PCDHGB6: variants seen among roughly 807,000 people sequenced by gnomAD.
The protein encoded by PCDHGB6 is protocadherin gamma-B6.
PCDHGB6 carries 51 observed loss-of-function variants against 59.1 expected under a neutral mutation model. The observed-to-expected ratio is 0.86, with a 90% CI of 0.69 to 1.09. The LOEUF (loss-of-function observed/expected upper bound fraction) is 1.09, where lower values mean the gene tolerates loss of function less well. Ranked by LOEUF, PCDHGB6 falls within the 50% of genes least tolerant of loss-of-function variation. The probability of loss-of-function intolerance (pLI) is 0.00; values close to 1 mark genes in which losing one functional copy is unlikely to be tolerated. For synonymous variants in PCDHGB6, 466 were observed against 495.1 expected, an observed-to-expected ratio of 0.94 and a Z score of 0.78; for missense variants, 1,148 against 1,205.1, an observed-to-expected ratio of 0.95 and a Z score of 0.70.
chr5:141,491,908 G>A lies in PCDHGB6; in HGVS notation c.2419-2899G>A. ...GGGGCTCCGAGCACCGGGGGTGGTG[G>A]CGACTGTGGGCGAGGGGAGGTGGGA... On this transcript the variant is annotated intron_variant, in intron 1 of 3. Transcript: ENST00000520790. The surrounding 1 kb of genome is among the most constrained non-coding windows in gnomAD (Gnocchi z 6.9). The A allele has an allele frequency of 7.1e-7, 1 of 1,408,288 alleles. No individual in the cohort carries two copies. Among genetic ancestry groups the A allele is most frequent in the East Asian group, 2.5e-5 (1 of 39,276 alleles). The allele number at this position is 1,408,288 out of a possible 1,614,324, so 87.2% of individuals were successfully genotyped here. A position where few individuals can be genotyped will look rare whatever the true frequency, so the allele number is the denominator to read the frequency against.
At position 141,432,307 on chromosome 5, in the gene PCDHGB6, G is replaced by A. The variant is rs2097484688; in HGVS notation, c.2418+21687G>A. On this transcript the variant is annotated intron_variant, in intron 1 of 3. Transcript: ENST00000520790. The surrounding 1 kb of genome is among the most constrained non-coding windows in gnomAD (Gnocchi z 6.0). ...ACTCCGACACTGGGGTACTGTATGC[G>A]CTGAGCTCCTTCGACTACGAGCAGT... The A allele has an allele frequency of 5.0e-6, 8 of 1,614,240 alleles. No individual in the cohort carries two copies. Among genetic ancestry groups the A allele is most frequent in the South Asian group, 1.1e-5 (1 of 91,086 alleles).
At chr5:141,466,556 T>C (rs1398776914) in intron 1 of PCDHGB6, among the ~76,000 whole-genome samples, 1 of 152,222 alleles carries the variant, frequency 6.6e-6, no homozygotes, top group Non-Finnish European at 1.5e-5. Context: ...TGCTGTGGGC[T>C]TCATCTTCAA....
In PCDHGB6 at chr5:141,476,235, A is replaced by G; in HGVS notation, c.2419-18572A>G. ...GTCATTCACTATGAGATCCCGGAGG[A>G]AAGAGAGAAGGGTTTCGCTGTGGGC... is the stretch of plus-strand genomic sequence containing the variant. On this transcript the variant is annotated intron_variant, in intron 1 of 3. Coordinates refer to ENST00000520790, the MANE Select transcript of PCDHGB6 (RefSeq NM_018926.3). The surrounding 1 kb of genome is among the most constrained non-coding windows in gnomAD (Gnocchi z 7.6). 2 of 1,613,844 alleles carry G rather than the reference A, an allele frequency of 1.2e-6. No homozygotes were observed. Among genetic ancestry groups the G allele is most frequent in the Admixed American group, 1.7e-5 (1 of 59,990 alleles).
In PCDHGB6 at chr5:141,487,000, G is replaced by T. The variant is rs1410493699; in HGVS notation, c.2419-7807G>T. 2 of 1,614,076 alleles carry T rather than the reference G, an allele frequency of 1.2e-6. No homozygotes were observed. Among genetic ancestry groups the T allele is most frequent in the Non-Finnish European group, 1.7e-6 (2 of 1,180,044 alleles). On this transcript the variant is annotated intron_variant, in intron 1 of 3. Coordinates refer to ENST00000520790, the MANE Select transcript of PCDHGB6 (RefSeq NM_018926.3). The surrounding 1 kb of genome is among the most constrained non-coding windows in gnomAD (Gnocchi z 5.0). Reference sequence around the variant, plus strand: ...GTTACAATGCTTGGGTTTCCTATCAGCTCCTGGAGGCCCCAGATCCCAGCC... The same window carrying T: ...GTTACAATGCTTGGGTTTCCTATCATCTCCTGGAGGCCCCAGATCCCAGCC...
intron 1 of PCDHGB6, among the ~76,000 whole-genome samples, chr5:141,451,644 G>A (rs1730833205): frequency 6.6e-6 from 1 of 152,178 alleles, no homozygotes; most frequent in Non-Finnish European, 1.5e-5. Context: ...CACTCTGAGA[G>A]GCCAAGGAGG....
At chr5:141,456,058 C>T (rs1488082918) in intron 1 of PCDHGB6, among the ~76,000 whole-genome samples, 3 of 151,880 alleles carry the variant, frequency 2.0e-5, no homozygotes, top group Admixed American at 6.6e-5. Context: ...CCACCACGTC[C>T]GGCTAATTTT....
intron 1 of PCDHGB6, among the ~76,000 whole-genome samples, chr5:141,438,621 TATATATATATATATAC>T (rs1472935962): frequency 0.016 from 652 of 41,356 alleles, 15 homozygotes; most frequent in East Asian, 0.15. Flanking sequence ...TATATATATA[TATATATATATATATAC>T]ACACACACAC....
chr5:141,423,264 C>T (rs1452323474), intron 1 of PCDHGB6: 6 of 1,613,868 alleles, frequency 3.7e-6, no homozygotes, highest in Non-Finnish European at 5.1e-6. Context: ...TCGGCAGCCT[C>T]GAGTCTCTGG....
chr5:141,410,852 T>A, intron 1 of PCDHGB6: 1 of 284,264 alleles, frequency 3.5e-6, no homozygotes. Context: ...TCTTTGTCTT[T>A]TTTTTTTTTT....
chr5:141,511,403 A>C lies in PCDHGB6; in HGVS notation c.*230A>C. On this transcript the variant is annotated 3_prime_UTR_variant, in exon 4 of 4. Coordinates refer to ENST00000520790, the MANE Select transcript of PCDHGB6 (RefSeq NM_018926.3). Reference sequence around the variant, plus strand: ...TCCGCTGGGAACCCCCATCCAATCAACTGCTGTACCCATGGGGGTAGTGGG... The same window carrying C: ...TCCGCTGGGAACCCCCATCCAATCACCTGCTGTACCCATGGGGGTAGTGGG... 8.5e-6 allele frequency: 8 copies of C among 939,018 alleles called. No individual in the cohort carries two copies. The highest frequency in any genetic ancestry group is 1.2e-5 in the Non-Finnish European group (8 of 650,834). The allele number at this position is 939,018 out of a possible 1,614,324, so 58.2% of individuals were successfully genotyped here. A position where few individuals can be genotyped will look rare whatever the true frequency, so the allele number is the denominator to read the frequency against.
chr5:141,482,380 C>A (rs2099557573), intron 1 of PCDHGB6, among the ~76,000 whole-genome samples: 1 of 151,712 alleles, frequency 6.6e-6, no homozygotes, highest in Non-Finnish European at 1.5e-5. Context: ...ATATAAAGTC[C>A]CTGTATGGAG....
intron 1 of PCDHGB6, chr5:141,478,342 G>T (rs1489278202): frequency 6.2e-7 from 1 of 1,613,862 alleles, no homozygotes; most frequent in Non-Finnish European, 8.5e-7. Flanking sequence ...GGCCCTCCTT[G>T]CACGCGGACG....
chr5:141,482,728 A>T (rs192207285), intron 1 of PCDHGB6, among the ~76,000 whole-genome samples: 97 of 128,396 alleles, frequency 7.6e-4, no homozygotes, highest in Admixed American at 3.3e-3. Context: ...GGGCCATTGC[A>T]AGAAATTCCA....
chr5:141,476,801 C>A lies in PCDHGB6; in HGVS notation c.2419-18006C>A, dbSNP rs752954707. The A allele has an allele frequency of 5.8e-5, 94 of 1,613,468 alleles. No homozygotes were observed. The highest frequency in any genetic ancestry group is 7.9e-5 in the Non-Finnish European group (93 of 1,180,028). The stretch of plus-strand genomic sequence containing the variant: ...GACCCCAGCTCTCTCCGCCAGCCTG[C>A]CTATTCACATCAAGGTGCTGGACGC... On this transcript the variant is annotated intron_variant, in intron 1 of 3. Transcript: ENST00000520790. This position sits in a 1 kb window ranked among gnomAD's most constrained non-coding sequence, Gnocchi z 7.6.
Position 141,408,078 on chromosome 5 carries a change from C to G in PCDHGB6, c.-125C>G. ...TCCCGGCTGCGCAGACCTTTCCCAG[C>G]ACAGCGGATTGCCAGCTCCGAGACC... On this transcript the variant is annotated 5_prime_UTR_variant, in exon 1 of 4. Transcript: ENST00000520790. 7.1e-7 allele frequency: 1 copy of G among 1,407,992 alleles called. No homozygotes were observed. The highest frequency in any genetic ancestry group is 9.4e-7 in the Non-Finnish European group (1 of 1,068,610). 87.2% of individuals were successfully genotyped at this position (1,407,992 alleles called of 1,614,324 possible). A position where few individuals can be genotyped will look rare whatever the true frequency, so the allele number is the denominator to read the frequency against.
intron 1 of PCDHGB6, among the ~76,000 whole-genome samples, chr5:141,445,700 A>G (rs2098474731): frequency 6.6e-6 from 1 of 152,216 alleles, no homozygotes; most frequent in Non-Finnish European, 1.5e-5. Flanking sequence ...TAAAAAAGAA[A>G]TTGTCAGGCA....
intron 1 of PCDHGB6, chr5:141,433,104 A>G: frequency 6.2e-7 from 1 of 1,614,214 alleles, no homozygotes; most frequent in Non-Finnish European, 8.5e-7. Flanking sequence ...CTCGTCAGCC[A>G]GGAGAGCTTT....
chr5:141,420,415 T>G, intron 1 of PCDHGB6: 1 of 1,217,298 alleles, frequency 8.2e-7, no homozygotes, highest in Non-Finnish European at 1.1e-6. Flanking sequence ...TTATCATTAT[T>G]AAAACAAAAG....
chr5:141,478,272 A>T, intron 1 of PCDHGB6: 7 of 1,614,160 alleles, frequency 4.3e-6, no homozygotes, highest in Non-Finnish European at 5.9e-6. Context: ...AAAGTTTACA[A>T]GTGGAAGCAG....
Sources: allele counts gnomAD v4.1 joint callset (sites outside exome capture counted in the v4.1 genomes callset), GRCh38; gene constraint gnomAD v4.1.1; non-coding constraint Gnocchi (gnomAD v3.1); transcripts MANE v1.5; gene names NCBI Gene and HGNC (gene_info 2026-07-23, HGNC 2026-07-21).